The following PHACTR4 variants were observed in gnomAD, a reference collection of about 807,000 sequenced individuals.
The protein encoded by PHACTR4 is phosphatase and actin regulator 4, also known as protein phosphatase 1, regulatory subunit 124.
PHACTR4 carries 51 observed loss-of-function variants against 72.7 expected under a neutral mutation model. The ratio of observed to expected loss-of-function variants is 0.70; its 90% CI spans 0.56 to 0.89. The LOEUF is 0.89. Among genes scored for constraint, PHACTR4 ranks in the 40% least tolerant of loss-of-function variants. The pLI is 0.00. For synonymous variants in PHACTR4, 255 were observed against 302.5 expected, an observed-to-expected ratio of 0.84 and a Z score of 1.63; for missense variants, 731 against 861.8, an observed-to-expected ratio of 0.85 and a Z score of 1.90.
chr1:28,423,782 A>G (rs1006996916), intron 2 of PHACTR4, among the ~76,000 whole-genome samples: 8 of 152,214 alleles, frequency 5.3e-5, no homozygotes, highest in African/African-American at 1.9e-4. Context: ...TGTAAGAATT[A>G]GACAAGTTAG....
chr1:28,435,843 G>A (rs1656597841), intron 2 of PHACTR4, among the ~76,000 whole-genome samples: 1 of 152,202 alleles, frequency 6.6e-6, no homozygotes, highest in Non-Finnish European at 1.5e-5. Context: ...AGTGGAAACT[G>A]CTTTTGCTCA....
At chr1:28,386,611 G>T in intron 1 of PHACTR4, among the ~76,000 whole-genome samples, 1 of 151,904 alleles carries the variant, frequency 6.6e-6, no homozygotes, top group South Asian at 2.1e-4. Context: ...TCCTATGTTG[G>T]GTATATATAT....
intron 4 of PHACTR4, among the ~76,000 whole-genome samples, chr1:28,461,161 C>T (rs565859397): frequency 2.0e-5 from 3 of 152,110 alleles, no homozygotes; most frequent in African/African-American, 7.2e-5. Flanking sequence ...GTATACTGGC[C>T]AGGCATGGTG....
chr1:28,407,264 A>G (rs67820840), intron 1 of PHACTR4, 146 bp from the exon 2 acceptor site: 9,395 of 368,082 alleles, frequency 0.026, 19 homozygotes, highest in Middle Eastern at 0.038. Context: ...AAAAAAAAAA[A>G]CTATCATTTA....
intron 13 of PHACTR4, among the ~76,000 whole-genome samples, chr1:28,496,050 CTTTTTT>C (rs59019895): frequency 1.1e-5 from 1 of 88,776 alleles, no homozygotes. Context: ...GAGAAGAGTT[CTTTTTT>C]TTTTTTTTTT....
At chr1:28,440,553 C>T (rs936002275) in intron 2 of PHACTR4, among the ~76,000 whole-genome samples, 1 of 151,330 alleles carries the variant, frequency 6.6e-6, no homozygotes, top group African/African-American at 2.4e-5. Flanking sequence ...CTATTCCTAC[C>T]AGTAGCCCTA....
At chr1:28,380,458 A>G (rs1237033095) in intron 1 of PHACTR4, among the ~76,000 whole-genome samples, 2 of 152,112 alleles carry the variant, frequency 1.3e-5, no homozygotes, top group East Asian at 3.8e-4. Context: ...TCACTCAGGT[A>G]TTAAGCCTAG....
chr1:28,450,864 G>A (rs1441178966), intron 2 of PHACTR4, among the ~76,000 whole-genome samples: 1 of 151,556 alleles, frequency 6.6e-6, no homozygotes, highest in Non-Finnish European at 1.5e-5. Context: ...ATGCTGGAGT[G>A]CAGTGGAGTT....
chr1:28,421,051 G>C (rs988555163), intron 2 of PHACTR4, among the ~76,000 whole-genome samples: 1 of 152,066 alleles, frequency 6.6e-6, no homozygotes, highest in Non-Finnish European at 1.5e-5. Context: ...GTTCTTTTCT[G>C]TTGAACAATT....
At chr1:28,464,849 G>A (rs540359132) in intron 4 of PHACTR4, among the ~76,000 whole-genome samples, 22 of 151,938 alleles carry the variant, frequency 1.4e-4, no homozygotes, top group African/African-American at 5.1e-4. Context: ...GATTACAGGC[G>A]CTTGCTACCA....
intron 13 of PHACTR4, among the ~76,000 whole-genome samples, chr1:28,493,451 T>A (rs1661159024): frequency 6.6e-6 from 1 of 150,576 alleles, no homozygotes; most frequent in African/African-American, 2.5e-5. Context: ...TGCGGGAGAA[T>A]CACTTGAACC....
At chr1:28,418,638 G>C (rs879708964) in intron 2 of PHACTR4, among the ~76,000 whole-genome samples, 1 of 151,976 alleles carries the variant, frequency 6.6e-6, no homozygotes, top group South Asian at 2.1e-4. Context: ...TGAGAAAAAT[G>C]AGAAAATATG....
intron 4 of PHACTR4, among the ~76,000 whole-genome samples, chr1:28,461,119 T>C (rs529142117): frequency 6.6e-6 from 1 of 152,280 alleles, no homozygotes; most frequent in South Asian, 2.1e-4. Flanking sequence ...ATCTGAGTTA[T>C]GTTGCATGAG....
intron 2 of PHACTR4, among the ~76,000 whole-genome samples, chr1:28,451,873 A>C (rs1204549630): frequency 6.6e-6 from 1 of 151,920 alleles, no homozygotes; most frequent in Non-Finnish European, 1.5e-5. Context: ...TCCTGGGCTC[A>C]AGTGATCCCC....
Position 28,464,618 on chromosome 1 carries a change from A to G in PHACTR4, c.272-1067A>G, listed in dbSNP as rs113934145. On this transcript the variant is annotated intron_variant, in intron 4 of 13. Coordinates refer to ENST00000373839, the MANE Select transcript of PHACTR4 (RefSeq NM_001048183.3). ...ACTCCAGGAAAATGATTTCTTCTTC[A>G]TTCCTACCACAGTACTTCACTAATT... is the stretch of plus-strand genomic sequence containing the variant. 6.0e-3 allele frequency among the ~76,000 whole-genome samples: 909 copies of G among 152,286 alleles called. 8 individuals carry two copies. Among genetic ancestry groups the G allele is most frequent in the African/African-American group, 0.021 (856 of 41,570 alleles).
intron 2 of PHACTR4, among the ~76,000 whole-genome samples, chr1:28,444,663 T>C (rs2124422206): frequency 6.6e-6 from 1 of 151,186 alleles, no homozygotes; most frequent in Non-Finnish European, 1.5e-5. Flanking sequence ...TTGGCCAGGC[T>C]GGAGTGCAGT....
intron 2 of PHACTR4, among the ~76,000 whole-genome samples, chr1:28,418,318 A>AT (rs201364873): frequency 0.067 from 10,082 of 151,360 alleles, 655 homozygotes; most frequent in African/African-American, 0.17. Context: ...CAAAAAAAAA[A>AT]AATAATAATA....
intron 11 of PHACTR4, 33 bp from the exon 12 acceptor site, chr1:28,491,617 G>T: frequency 6.2e-7 from 1 of 1,613,810 alleles, no homozygotes; most frequent in Admixed American, 1.7e-5. Context: ...CTAATTATTG[G>T]CTTGGTGAAC....
At chr1:28,461,211 G>A (rs537065622) in intron 4 of PHACTR4, among the ~76,000 whole-genome samples, 10 of 151,968 alleles carry the variant, frequency 6.6e-5, no homozygotes, top group Admixed American at 1.3e-4. Flanking sequence ...AGGCCGAGAC[G>A]GGCAGAACAC....
Sources: gnomAD v4.1 joint callset for allele counts (sites outside exome capture counted in the v4.1 genomes callset) on GRCh38, gnomAD v4.1.1 for gene constraint, MANE v1.5 for transcripts, NCBI Gene and HGNC (gene_info 2026-07-23, HGNC 2026-07-21) for gene names.